The following TENM3 variants were observed in gnomAD, a reference collection of about 807,000 sequenced individuals.
TENM3 encodes the protein teneurin transmembrane protein 3, also known as teneurin-3.
A neutral mutation model predicts 255.1 loss-of-function variants in TENM3; 63 were observed. The ratio of observed to expected loss-of-function variants is 0.25; its 90% CI spans 0.20 to 0.30. The LOEUF (loss-of-function observed/expected upper bound fraction) is 0.30, where lower values mean the gene tolerates loss of function less well. TENM3 is among the 10% of genes least tolerant of loss of function. The pLI, the probability that TENM3 is intolerant of heterozygous loss-of-function variation, is 1.00. For synonymous variants in TENM3, 1,306 were observed against 1,322.3 expected, an observed-to-expected ratio of 0.99 and a Z score of 0.27; for missense variants, 2,929 against 3,461.1, an observed-to-expected ratio of 0.85 and a Z score of 3.86.
chr4:182,794,685 T>C (rs1766361218), intron 26 of TENM3, among the ~76,000 whole-genome samples: 1 of 152,240 alleles, frequency 6.6e-6, no homozygotes, highest in South Asian at 2.1e-4. Flanking sequence ...TCTTTCCAAG[T>C]TTAGTGCATG....
chr4:181,613,581 C>A, the TENM3 span, among the ~76,000 whole-genome samples: 1 of 152,260 alleles, frequency 6.6e-6, no homozygotes, highest in South Asian at 2.1e-4. Context: ...CCCAGCTATG[C>A]CGCTGACTTT....
chr4:182,324,748 A>C (rs1763284494), intron 2 of TENM3, among the ~76,000 whole-genome samples: 1 of 152,238 alleles, frequency 6.6e-6, no homozygotes, highest in Non-Finnish European at 1.5e-5. Context: ...TGTCTGATTC[A>C]CACAAAAGCC....
chr4:182,738,676 A>C (rs1178049172), intron 18 of TENM3, 132 bp downstream of exon 18: 1 of 663,816 alleles, frequency 1.5e-6, no homozygotes, highest in Non-Finnish European at 2.3e-6. Context: ...AAATGGCAGA[A>C]AAAAAATAAA....
chr4:182,356,748 G>A lies in TENM3; in HGVS notation c.511+9819G>A, dbSNP rs1389304987. Among the ~76,000 whole-genome samples the A allele has an allele frequency of 4.6e-5, 7 of 151,202 alleles. No homozygotes were observed. In the East Asian group the frequency reaches 1.4e-3, roughly 29 times the overall value. On this transcript the variant is annotated intron_variant, in intron 3 of 27. Coordinates refer to ENST00000511685, the MANE Select transcript of TENM3 (RefSeq NM_001080477.4). The stretch of plus-strand genomic sequence containing the variant: ...TATTATTATTATACTTTAAGTTTTA[G>A]GGTACATGTGCACAATGTGCAGGTT...
chr4:182,542,641 G>T (rs781051717), intron 3 of TENM3, among the ~76,000 whole-genome samples: 4 of 152,038 alleles, frequency 2.6e-5, no homozygotes, highest in Non-Finnish European at 5.9e-5. Context: ...GACAAGCCCT[G>T]GGCTTTATCT....
the TENM3 span, among the ~76,000 whole-genome samples, chr4:181,577,177 T>A: frequency 7.7e-6 from 1 of 129,756 alleles, no homozygotes; most frequent in Non-Finnish European, 1.6e-5. Context: ...TATATTATAT[T>A]ATATTATATA....
At chr4:181,968,698 T>C in the TENM3 span, among the ~76,000 whole-genome samples, 627 of 152,344 alleles carry the variant, frequency 4.1e-3, 1 homozygote, top group Middle Eastern at 6.8e-3. Context: ...TCAATGGGTA[T>C]AAATAAAGTC....
chr4:182,242,648 C>T (rs181552523), upstream of TENM3, among the ~76,000 whole-genome samples: 2 of 152,288 alleles, frequency 1.3e-5, no homozygotes, highest in Admixed American at 1.3e-4. Flanking sequence ...GTGGTTCCAG[C>T]TACCTGGGAG....
intron 3 of TENM3, among the ~76,000 whole-genome samples, chr4:182,533,494 A>ACACCACTG (rs1156368714): frequency 6.6e-6 from 1 of 150,570 alleles, no homozygotes; most frequent in Non-Finnish European, 1.5e-5. Context: ...AGCCGTGATC[A>ACACCACTG]CACCACTGCA....
intron 1 of TENM3, among the ~76,000 whole-genome samples, chr4:182,155,461 C>G (rs769588801): frequency 2.6e-5 from 4 of 151,986 alleles, no homozygotes; most frequent in Non-Finnish European, 5.9e-5. Flanking sequence ...ATATATGATA[C>G]TAAAATTATT....
chr4:182,492,622 A>G (rs531931663), intron 3 of TENM3, among the ~76,000 whole-genome samples: 1 of 152,296 alleles, frequency 6.6e-6, no homozygotes, highest in African/African-American at 2.4e-5. Context: ...GAAATACTGT[A>G]GTAGCTTCTG....
chr4:182,080,257 G>A, the TENM3 span, among the ~76,000 whole-genome samples: 3,987 of 152,112 alleles, frequency 0.026, 137 homozygotes, highest in African/African-American at 0.076. Flanking sequence ...GTAAAATATC[G>A]TACCTTGACT....
chr4:181,819,606 A>T, the TENM3 span, among the ~76,000 whole-genome samples: 2 of 152,128 alleles, frequency 1.3e-5, no homozygotes, highest in African/African-American at 4.8e-5. Flanking sequence ...TTTTCCACAG[A>T]TGGAGGGTGG....
chr4:182,485,775 A>G (rs1319058201), intron 3 of TENM3, among the ~76,000 whole-genome samples: 5 of 152,182 alleles, frequency 3.3e-5, no homozygotes, highest in South Asian at 2.1e-4. Context: ...TTGGGATCCA[A>G]TGCTGAGAAA....
chr4:182,651,380 A>G (rs1252202499), intron 5 of TENM3, among the ~76,000 whole-genome samples: 23 of 152,132 alleles, frequency 1.5e-4, no homozygotes, highest in Admixed American at 1.4e-3. Flanking sequence ...CCTATAACCT[A>G]TATCTTAATC....
intron 8 of TENM3, among the ~76,000 whole-genome samples, 180 bp from the exon 9 acceptor site, chr4:182,680,068 T>C (rs1311904492): frequency 6.6e-6 from 1 of 152,222 alleles, no homozygotes; most frequent in African/African-American, 2.4e-5. Context: ...AAATATTTTC[T>C]GGAATTACCT....
At chr4:181,934,170 GT>G in the TENM3 span, among the ~76,000 whole-genome samples, 109 of 152,084 alleles carry the variant, frequency 7.2e-4, no homozygotes, top group Non-Finnish European at 1.1e-3. Flanking sequence ...CTGATAGAGG[GT>G]AAGGACATGC....
the TENM3 span, among the ~76,000 whole-genome samples, chr4:181,510,909 A>G: frequency 6.6e-6 from 1 of 152,254 alleles, no homozygotes; most frequent in African/African-American, 2.4e-5. Flanking sequence ...TGTAGAAGCT[A>G]TATCCAGAAC....
At chr4:182,121,816 C>A in the TENM3 span, among the ~76,000 whole-genome samples, 756 of 152,250 alleles carry the variant, frequency 5.0e-3, 6 homozygotes, top group Middle Eastern at 0.014. Context: ...TAAAATAAGA[C>A]AACAGTGAAG....
Sources: allele counts gnomAD v4.1 joint callset (sites outside exome capture counted in the v4.1 genomes callset), GRCh38; gene constraint gnomAD v4.1.1; transcripts MANE v1.5; gene names NCBI Gene and HGNC (gene_info 2026-07-23, HGNC 2026-07-21).